Variants in CENPK observed in about 807,000 individuals in gnomAD.
The protein encoded by CENPK is SoxLZ/Sox6-binding protein Solt.
Under a neutral mutation model 40.9 loss-of-function variants are expected in CENPK, and 46 were observed. That is an observed-to-expected ratio of 1.13 (90% CI 0.89 to 1.44). The LOEUF (loss-of-function observed/expected upper bound fraction) is 1.44. CENPK is among the 40% of genes most tolerant of loss of function. The probability of loss-of-function intolerance (pLI) is 0.00; values close to 1 mark genes in which losing one functional copy is unlikely to be tolerated. For missense variants in CENPK, 288 were observed against 303.5 expected (o/e 0.95, Z 0.38); for synonymous variants, 107 against 104.4 (o/e 1.02, Z -0.15).
At chr5:65,549,241 T>C (rs1178809876) in intron 5 of CENPK, among the ~76,000 whole-genome samples, 1 of 152,008 alleles carries the variant, frequency 6.6e-6, no homozygotes, top group East Asian at 1.9e-4. Flanking sequence ...GTCTCAACAG[T>C]GGGCTTAAAC....
Position 65,528,520 on chromosome 5 carries a change from A to G in CENPK, c.529T>C (p.Leu177=). 6.2e-7 allele frequency: 1 copy of G among 1,605,302 alleles called. No individual in the cohort carries two copies. The change falls in exon 9 of 11, where the codon TTG becomes CTG. Residue 177 remains leucine (L), a synonymous_variant. Coordinates refer to ENST00000396679, the MANE Select transcript of CENPK (RefSeq NM_022145.5). ...LNIKEYKEKL[L]STLGEFLEDH... ...TCTAGAAACTCGCCCAAGGTACTCA[A>G]GAGTTTCTCCTTATATTCTTTTATA...
At chr5:65,527,465 T>A (rs1332199750) in intron 9 of CENPK, among the ~76,000 whole-genome samples, 1 of 140,864 alleles carries the variant, frequency 7.1e-6, no homozygotes, top group Admixed American at 7.3e-5. Context: ...TATTATTCAA[T>A]GATTACTGCA....
At chr5:65,505,324 T>C in the CENPK span, among the ~76,000 whole-genome samples, 6 of 152,186 alleles carry the variant, frequency 3.9e-5, no homozygotes, top group Non-Finnish European at 5.9e-5. Flanking sequence ...TTCTCTTTAA[T>C]GTGTTGTAGT....
chr5:65,554,073 T>C (rs890398571), intron 3 of CENPK, among the ~76,000 whole-genome samples: 2 of 152,216 alleles, frequency 1.3e-5, no homozygotes, highest in Admixed American at 6.5e-5. Context: ...TTCTTCTTTA[T>C]GCTTTGTATA....
At chr5:65,511,510 C>T in the CENPK span, among the ~76,000 whole-genome samples, 15 of 152,138 alleles carry the variant, frequency 9.9e-5, no homozygotes, top group East Asian at 1.3e-3. Flanking sequence ...AACCAGTGCT[C>T]GTGTACCATT....
chr5:65,552,615 T>C (rs3213938), intron 3 of CENPK, 66 bp from the exon 4 acceptor site: 646,520 of 910,966 alleles, frequency 0.71, 232,394 homozygotes, highest in East Asian at 0.89. Flanking sequence ...CCTTCCCCTC[T>C]CCTTTTCTAC....
chr5:65,553,445 C>G (rs1216898085), intron 3 of CENPK, among the ~76,000 whole-genome samples: 1 of 136,616 alleles, frequency 7.3e-6, no homozygotes, highest in Non-Finnish European at 1.7e-5. Context: ...GCAGGTTGGA[C>G]AAGCTTGCCT....
intron 2 of CENPK, among the ~76,000 whole-genome samples, chr5:65,556,608 T>C (rs188345554): frequency 4.6e-5 from 7 of 152,308 alleles, no homozygotes; most frequent in African/African-American, 1.7e-4. Flanking sequence ...TACAGCAAGC[T>C]AAGGTTAATT....
chr5:65,555,776 G>A (rs1750872352), intron 2 of CENPK, among the ~76,000 whole-genome samples: 1 of 152,196 alleles, frequency 6.6e-6, no homozygotes, highest in South Asian at 2.1e-4. Flanking sequence ...AGTTACTGAG[G>A]TGAGAAAGAT....
At chr5:65,555,058 C>G (rs62369036) in intron 2 of CENPK, 112 bp from the exon 3 acceptor site, 41,881 of 601,094 alleles carry the variant, frequency 0.07, 1,624 homozygotes, top group East Asian at 0.08. Context: ...ACAAAAATCC[C>G]TCCTACCGTG....
At chr5:65,540,495 TG>T (rs1259782495) in intron 6 of CENPK, among the ~76,000 whole-genome samples, 2 of 152,162 alleles carry the variant, frequency 1.3e-5, no homozygotes, top group Non-Finnish European at 1.5e-5. Flanking sequence ...AACATCAGGA[TG>T]GGGGCTGGTC....
At chr5:65,552,419 A>T in intron 4 of CENPK, 74 bp downstream of exon 4, 1 of 916,274 alleles carries the variant, frequency 1.1e-6, no homozygotes, top group East Asian at 2.8e-5. Context: ...AAAAATACAG[A>T]CACACATATT....
chr5:65,549,761 T>C (rs921422991), intron 5 of CENPK, among the ~76,000 whole-genome samples: 2 of 152,202 alleles, frequency 1.3e-5, no homozygotes, highest in African/African-American at 4.8e-5. Flanking sequence ...GCTAGGGCTT[T>C]GTTGTGGATT....
At chr5:65,555,477 G>A (rs1333263516) in intron 2 of CENPK, among the ~76,000 whole-genome samples, 2 of 152,208 alleles carry the variant, frequency 1.3e-5, no homozygotes, top group African/African-American at 4.8e-5. Context: ...GGTTTGGTAG[G>A]CTATTTTAAG....
At chr5:65,546,236 G>T (rs200359298) in intron 5 of CENPK, among the ~76,000 whole-genome samples, 2 of 54,484 alleles carry the variant, frequency 3.7e-5, no homozygotes, top group East Asian at 3.2e-3. Context: ...CTGCCCCCCC[G>T]CTCAGGTGAT....
At chr5:65,551,272 A>AAT in intron 5 of CENPK, 1 of 324,682 alleles carries the variant, frequency 3.1e-6, no homozygotes, top group Non-Finnish European at 5.8e-6. Context: ...AAAAAAAAAA[A>AAT]GGAACAATTT....
At position 65,556,423 on chromosome 5, in the gene CENPK, T is replaced by G. The variant is rs564710359; in HGVS notation, c.-39-1477A>C. ...CCAGGAGTTCAAGGTTATAGTAAGC[T>G]ATGATCACACCACTGCATTTCAGCC... On this transcript the variant is annotated intron_variant, in intron 2 of 10. Transcript: ENST00000396679. Among the ~76,000 whole-genome samples, 15 of 152,256 alleles carry G rather than the reference T, an allele frequency of 9.9e-5. No individual in the cohort carries two copies. In the East Asian group the frequency reaches 2.9e-3, roughly 29 times the overall value.
chr5:65,509,238 C>A, the CENPK span, among the ~76,000 whole-genome samples: 1 of 152,144 alleles, frequency 6.6e-6, no homozygotes, highest in African/African-American at 2.4e-5. Flanking sequence ...CTTGGTCTCA[C>A]CTCTATATTA....
At chr5:65,552,167 G>A (rs1339606048) in intron 4 of CENPK, among the ~76,000 whole-genome samples, 1 of 151,944 alleles carries the variant, frequency 6.6e-6, no homozygotes, top group Middle Eastern at 3.2e-3. Flanking sequence ...TGCCATGTAG[G>A]CCAGGCTGGT....
Sources: allele counts gnomAD v4.1 joint callset (sites outside exome capture counted in the v4.1 genomes callset), GRCh38; gene constraint gnomAD v4.1.1; transcripts MANE v1.5; gene names NCBI Gene and HGNC (gene_info 2026-07-23, HGNC 2026-07-21).